The following EYA2 variants were observed in gnomAD, a reference collection of about 807,000 sequenced individuals.
EYA2 encodes the protein protein phosphatase EYA2.
Under a neutral mutation model 69.2 loss-of-function variants are expected in EYA2, and 31 were observed. The observed-to-expected ratio is 0.45, with a 90% confidence interval of 0.34 to 0.60. EYA2 has a LOEUF of 0.60. Among genes scored for constraint, EYA2 ranks in the 20% least tolerant of loss-of-function variants. The pLI, the probability that EYA2 is intolerant of heterozygous loss-of-function variation, is 0.02. For missense variants in EYA2, 622 were observed against 701.2 expected (o/e 0.89, Z 1.28); for synonymous variants, 257 against 279.4 (o/e 0.92, Z 0.80).
At chr20:46,980,382 A>C (rs1980752811) in intron 1 of EYA2, among the ~76,000 whole-genome samples, 1 of 152,174 alleles carries the variant, frequency 6.6e-6, no homozygotes, top group Non-Finnish European at 1.5e-5. Flanking sequence ...TCTCTCCTCC[A>C]TTGTCTCCTC....
chr20:47,143,249 T>A (rs577842402), intron 10 of EYA2, 101 bp downstream of exon 10: 2 of 1,056,674 alleles, frequency 1.9e-6, no homozygotes, highest in South Asian at 3.5e-5. Context: ...TTCTTTTTCT[T>A]TTTTTCTCCT....
chr20:46,912,238 C>T (rs142203826), intron 1 of EYA2, among the ~76,000 whole-genome samples: 1 of 152,264 alleles, frequency 6.6e-6, no homozygotes, highest in Non-Finnish European at 1.5e-5. Flanking sequence ...ACTACATGTT[C>T]GCAACTGCTA....
In EYA2 at chr20:47,001,448, C is replaced by G; in HGVS notation, c.130C>G (p.Leu44Val). ...DRQGITKSAPLRVSQLFSRSC... is the reference protein window; with the variant it reads ...DRQGITKSAPVRVSQLFSRSC... ...TGCAGGCATCACCAAATCGGCCCCC[C>G]TGAGAGTGTCCCAGCTCTTCTCCAG... Residue 44 changes from leucine to valine, a missense_variant, in exon 3 of 16, where the codon CTG becomes GTG. Around this residue, in one of 2 missense-constraint regions of EYA2, gnomAD observed 365 missense variants for 349.7 expected, o/e 1.04. Coordinates refer to ENST00000327619, the MANE Select transcript of EYA2 (RefSeq NM_005244.5). The G allele has an allele frequency of 6.2e-7, 1 of 1,614,206 alleles. No individual in the cohort carries two copies. The highest frequency in any genetic ancestry group is 2.2e-5 in the East Asian group (1 of 44,880).
chr20:46,967,293 C>A (rs190724775), intron 1 of EYA2, among the ~76,000 whole-genome samples: 10 of 152,398 alleles, frequency 6.6e-5, no homozygotes, highest in Middle Eastern at 3.4e-3. Context: ...GGAGCCACTG[C>A]ACCTGGCCCA....
At chr20:46,921,144 C>T (rs1467237374) in intron 1 of EYA2, among the ~76,000 whole-genome samples, 2 of 152,196 alleles carry the variant, frequency 1.3e-5, no homozygotes, top group East Asian at 1.9e-4. Context: ...TTAGTAGGGG[C>T]GCCTTCTCAG....
chr20:47,166,393 TAAAAAAA>T (rs370944686), intron 10 of EYA2, among the ~76,000 whole-genome samples: 1,385 of 34,488 alleles, frequency 0.04, 75 homozygotes, highest in Non-Finnish European at 0.053. Flanking sequence ...CAAGACTGTC[TAAAAAAA>T]AAAAAAAAAA....
chr20:47,138,868 A>G (rs1374243247), intron 9 of EYA2, among the ~76,000 whole-genome samples: 8 of 152,300 alleles, frequency 5.3e-5, no homozygotes, highest in South Asian at 2.1e-4. Context: ...TTTTGTGTAC[A>G]GCCTTTCAGA....
At chr20:47,185,670 A>G (rs2034625875) in intron 15 of EYA2, among the ~76,000 whole-genome samples, 1 of 152,040 alleles carries the variant, frequency 6.6e-6, no homozygotes, top group African/African-American at 2.4e-5. Flanking sequence ...CAAAGAAAGG[A>G]GGGCTTGGCC....
chr20:47,120,123 G>C (rs6094599), intron 9 of EYA2, among the ~76,000 whole-genome samples: 27,241 of 152,192 alleles, frequency 0.18, 2,601 homozygotes, highest in Middle Eastern at 0.33. Flanking sequence ...CAGAAGAATT[G>C]TTTGAATCCA....
intron 10 of EYA2, among the ~76,000 whole-genome samples, chr20:47,150,745 G>T (rs1568810214): frequency 6.6e-6 from 1 of 152,124 alleles, no homozygotes; most frequent in South Asian, 2.1e-4. Context: ...GGGATTACAG[G>T]CATGAGCCAC....
At chr20:47,089,693 G>A (rs926332092) in intron 8 of EYA2, among the ~76,000 whole-genome samples, 3 of 152,150 alleles carry the variant, frequency 2.0e-5, no homozygotes, top group Admixed American at 6.5e-5. Context: ...GAGAATTTAC[G>A]TTTCTGACAA....
At chr20:47,183,660 C>T (rs367697547) in intron 15 of EYA2, among the ~76,000 whole-genome samples, 3 of 152,164 alleles carry the variant, frequency 2.0e-5, no homozygotes, top group African/African-American at 7.2e-5. Flanking sequence ...AGAGACGCTC[C>T]GGCAGGGCAG....
chr20:46,966,090 C>G (rs543653186), intron 1 of EYA2, among the ~76,000 whole-genome samples: 1 of 152,306 alleles, frequency 6.6e-6, no homozygotes, highest in East Asian at 1.9e-4. Flanking sequence ...ATAAACTGTT[C>G]TTAACAACCA....
chr20:46,989,391 G>A (rs1239496368), intron 1 of EYA2, among the ~76,000 whole-genome samples: 1 of 152,058 alleles, frequency 6.6e-6, no homozygotes, highest in Non-Finnish European at 1.5e-5. Flanking sequence ...TCAGCCTCCC[G>A]AGTAGCTGGG....
At chr20:47,140,457 A>G (rs947017) in intron 9 of EYA2, among the ~76,000 whole-genome samples, 2,612 of 152,098 alleles carry the variant, frequency 0.017, 112 homozygotes, top group East Asian at 0.16. Context: ...TAAGGGTCAA[A>G]AAGGGTTTAT....
At chr20:47,186,704 C>T (rs7352690) in intron 15 of EYA2, among the ~76,000 whole-genome samples, 3 of 151,756 alleles carry the variant, frequency 2.0e-5, no homozygotes, top group Non-Finnish European at 4.4e-5. Context: ...CTTCTTGTCC[C>T]CTGAGACACC....
intron 1 of EYA2, among the ~76,000 whole-genome samples, chr20:46,898,979 A>C (rs765739199): frequency 1.3e-5 from 2 of 152,320 alleles, no homozygotes; most frequent in Non-Finnish European, 2.9e-5. Flanking sequence ...AGTAATGATG[A>C]AAATAGCTGC....
chr20:47,149,562 G>C (rs536649225), intron 10 of EYA2, among the ~76,000 whole-genome samples: 103 of 151,994 alleles, frequency 6.8e-4, no homozygotes, highest in African/African-American at 2.4e-3. Context: ...CACAAGTTTG[G>C]GCCAGGCACG....
intron 1 of EYA2, chr20:46,978,746 C>T (rs1487858718): frequency 3.8e-6 from 2 of 528,690 alleles, no homozygotes; most frequent in Admixed American, 2.0e-5. Flanking sequence ...CGTGGTCTTC[C>T]TGGGCAGAGA....
Sources: gnomAD v4.1 joint callset for allele counts (sites outside exome capture counted in the v4.1 genomes callset) on GRCh38, gnomAD v4.1.1 for gene constraint, gnomAD v4.1.1 regional missense constraint, MANE v1.5 for transcripts, NCBI Gene and HGNC (gene_info 2026-07-23, HGNC 2026-07-21) for gene names.